FLG2: variants seen among roughly 807,000 people sequenced by gnomAD.
The protein encoded by FLG2 is filaggrin-2.
Under a neutral mutation model 3.9 loss-of-function variants are expected in FLG2, and 7 were observed. The observed-to-expected ratio is 1.79, with a 90% CI of 1.02 to 3.36. The LOEUF (loss-of-function observed/expected upper bound fraction) is 3.36. Ranked by LOEUF, FLG2 falls within the 30% of genes most tolerant of loss-of-function variation. FLG2 has a pLI of 0.00. For missense variants in FLG2, 2,700 were observed against 2,809.4 expected (o/e 0.96, Z 0.88); for synonymous variants, 1,031 against 1,056.1 (o/e 0.98, Z 0.46).
rs371123023 is a variant in FLG2, at chr1:152,354,919, C to G, written c.2867G>C (p.Gly956Ala). 1.2e-6 allele frequency: 2 copies of G among 1,613,548 alleles called. No individual in the cohort carries two copies. The highest frequency in any genetic ancestry group is 1.7e-6 in the Non-Finnish European group (2 of 1,179,970). ...ATGTTGGCCAAAGCCAGAGGATTGA[C>G]CTGAGCCTGACCTGTGTTGTCCAAA... ...FGFGQHRSGS[G>A]QSSGFGQHGS... is the part of the protein sequence containing the mutation. The change falls in exon 3 of 3, where the codon GGT (glycine) becomes GCT (alanine). Residue 956 changes from glycine to alanine, a missense_variant. Gly to Ala is a moderately conservative substitution (Grantham distance 60). Transcript: ENST00000388718.
Position 152,352,819 on chromosome 1 carries a change from G to A in FLG2, c.4967C>T (p.Ser1656Phe). The A allele has an allele frequency of 6.2e-7, 1 of 1,611,248 alleles. No individual in the cohort carries two copies. The highest frequency in any genetic ancestry group is 1.1e-5 in the South Asian group (1 of 90,906). Residue 1656 changes from serine to phenylalanine, a missense_variant, in exon 3 of 3, where the codon TCC becomes TTC. By Grantham distance (155) the Ser-to-Phe change is radical. Coordinates refer to ENST00000388718, the MANE Select transcript of FLG2 (RefSeq NM_001014342.3). ...TGRQRSSHSESSDSEVHSGVS... is the reference protein window; with the variant it reads ...TGRQRSSHSEFSDSEVHSGVS... ...CCCTGAGTGCACTTCACTGTCACTG[G>A]ACTCACTGTGGCTAGATCTCTGTCT...
Position 152,356,072 on chromosome 1 carries a change from A to G in FLG2, c.1714T>C (p.Leu572=), listed in dbSNP as rs1328478508. ...RETSGFGQHG[L]GSGQSTGFGQ... is the part of the protein sequence containing the mutation. ...AAGCCAGTGGATTGACCTGAGCCCA[A>G]CCCATGTTGTCCAAAGCCAGATGTC... Residue 572 remains leucine (L), a synonymous_variant, in exon 3 of 3, where the codon TTG becomes CTG. Transcript: ENST00000388718. 1 of 1,613,458 alleles carries G rather than the reference A, an allele frequency of 6.2e-7. No individual in the cohort carries two copies. Among genetic ancestry groups the G allele is most frequent in the South Asian group, 1.1e-5 (1 of 91,048 alleles).
In FLG2 at chr1:152,350,528, T is replaced by C; in HGVS notation, c.*82A>G. On this transcript the variant is annotated 3_prime_UTR_variant, in exon 3 of 3. Transcript: ENST00000388718. The stretch of plus-strand genomic sequence containing the variant: ...TCAACTGAATGTTCATAACTTACCA[T>C]TGACTGTTCATGATTTAAACTGTGT... The C allele has an allele frequency of 2.0e-6, 3 of 1,494,830 alleles. No homozygotes were observed. The highest frequency in any genetic ancestry group is 1.8e-4 in the Middle Eastern group (1 of 5,520). The allele number at this position is 1,494,830 out of a possible 1,614,324, so 92.6% of individuals were successfully genotyped here.
At chr1:152,358,085 G>A (rs1430429558) in intron 2 of FLG2, among the ~76,000 whole-genome samples, 1 of 150,808 alleles carries the variant, frequency 6.6e-6, no homozygotes, top group Non-Finnish European at 1.5e-5. Flanking sequence ...GCAGTGGTGC[G>A]ATCTCTGCTC....
chr1:152,356,603 G>C lies in FLG2; in HGVS notation c.1183C>G (p.Gln395Glu). The C allele has an allele frequency of 6.2e-7, 1 of 1,614,154 alleles. No individual in the cohort carries two copies. Among genetic ancestry groups the C allele is most frequent in the South Asian group, 1.1e-5 (1 of 91,086 alleles). ...CGGCCACAGGAACCATATTCATGTT[G>C]ACCATTACTACAAGACTGGCTACCT... ...SGGSQSCSNGQHEYGSCGRFS... is the reference protein window; with the variant it reads ...SGGSQSCSNGEHEYGSCGRFS... Residue 395 changes from glutamine to glutamate, a missense_variant, in exon 3 of 3, where the codon CAA becomes GAA. Gln to Glu is a conservative substitution (Grantham distance 29). Transcript: ENST00000388718.
chr1:152,352,209 T>C lies in FLG2; in HGVS notation c.5577A>G (p.Gln1859=), dbSNP rs761518570. The C allele has an allele frequency of 8.1e-6, 13 of 1,610,948 alleles. No homozygotes were observed. The highest frequency in any genetic ancestry group is 1.6e-4 in the Middle Eastern group (1 of 6,066). Residue 1859 remains glutamine, a synonymous_variant, in exon 3 of 3, where the codon CAA becomes CAG. Coordinates refer to ENST00000388718, the MANE Select transcript of FLG2 (RefSeq NM_001014342.3). ...GQTGDTSGHS[Q]SGHGQSTQSG... ...ACTGTGTGGACTGTCCATGACCAGA[T>C]TGAGAATGTCCACTGGTATCTCCTG...
Position 152,355,864 on chromosome 1 carries a change from C to T in FLG2, c.1922G>A (p.Gly641Asp). The T allele has an allele frequency of 6.2e-7, 1 of 1,611,954 alleles. No individual in the cohort carries two copies. The highest frequency in any genetic ancestry group is 8.5e-7 in the Non-Finnish European group (1 of 1,179,616). ...TGAGCCTGACCCATGTTGTCCAAAG[C>T]CAGATGTCTGTCTAGACCCATGTTG... The part of the protein sequence containing the change: ...YGQHGSRQTS[G>D]FGQHGSGSSQ... Residue 641 changes from glycine to aspartate, a missense_variant, in exon 3 of 3, where the codon GGC (glycine) becomes GAC (aspartate). Coordinates refer to ENST00000388718, the MANE Select transcript of FLG2 (RefSeq NM_001014342.3).
chr1:152,353,968 CTT>C lies in FLG2; in HGVS notation c.3816_3817del (p.Ser1273Ter). ...GTGCACTTCACTGTCACTGTTCTCACTTTGGCTAGATCTTCGTCTTCTAGTTA... is the reference window on the plus strand; with the variant it reads ...GTGCACTTCACTGTCACTGTTCTCACTGGCTAGATCTTCGTCTTCTAGTTA... On this transcript the variant is annotated frameshift_variant, in exon 3 of 3. Transcript: ENST00000388718. LOFTEE classifies it low-confidence loss of function (END_TRUNC). 1 of 1,614,206 alleles carries C rather than the reference CTT, an allele frequency of 6.2e-7. No homozygotes were observed. Among genetic ancestry groups the C allele is most frequent in the Non-Finnish European group, 8.5e-7 (1 of 1,180,040 alleles).
Position 152,351,460 on chromosome 1 carries a change from C to T in FLG2, c.6326G>A (p.Ser2109Asn). 2 of 1,613,234 alleles carry T rather than the reference C, an allele frequency of 1.2e-6. No homozygotes were observed. The highest frequency in any genetic ancestry group is 1.7e-6 in the Non-Finnish European group (2 of 1,179,798). The change falls in exon 3 of 3, where the codon AGT (serine) becomes AAT (asparagine). Residue 2109 changes from serine (S) to asparagine (N), a missense_variant. Transcript: ENST00000388718. ...GRRGSGHSES[S>N]DSEVHSGVSH... The stretch of plus-strand genomic sequence containing the variant: ...GACCCCTGAGTGCACTTCACTGTCA[C>T]TGGACTCACTGTGGCCAGATCCCCT...
Position 152,356,623 on chromosome 1 carries a change from C to G in FLG2, c.1163G>C (p.Ser388Thr), listed in dbSNP as rs1443103577. 3 of 1,614,192 alleles carry G rather than the reference C, an allele frequency of 1.9e-6. No homozygotes were observed. The highest frequency in any genetic ancestry group is 1.7e-5 in the Admixed American group (1 of 60,032). ...ATGTTGACCATTACTACAAGACTGG[C>G]TACCTCCAGACCCATATTGTCCACA... is the stretch of plus-strand genomic sequence containing the variant. ...SCCGQYGSGG[S>T]QSCSNGQHEY... Residue 388 changes from serine to threonine, a missense_variant, in exon 3 of 3, where the codon AGC (serine) becomes ACC (threonine). Ser to Thr is a moderately conservative substitution (Grantham distance 58). Transcript: ENST00000388718.
In FLG2 at chr1:152,353,324, G is replaced by T. The variant is rs1250878322; in HGVS notation, c.4462C>A (p.Gln1488Lys). 6.8e-6 allele frequency: 11 copies of T among 1,612,844 alleles called. No individual in the cohort carries two copies. The Admixed American group carries it at 1.8e-4, about 27-fold the overall frequency. Reference protein sequence around the residue: ...HAHYHHGKSTQRGSSTTGRRG... With the variant: ...HAHYHHGKSTKRGSSTTGRRG... Reference sequence around the variant, plus strand: ...CTTCCAGTTGTACTGGACCCTCTCTGTGTGGATTTTCCATGATGATAGTGG... The same window carrying T: ...CTTCCAGTTGTACTGGACCCTCTCTTTGTGGATTTTCCATGATGATAGTGG... Residue 1488 changes from glutamine to lysine, a missense_variant, in exon 3 of 3, where the codon CAG (glutamine) becomes AAG (lysine). Gln to Lys is a moderately conservative substitution (Grantham distance 53). Transcript: ENST00000388718.
Position 152,350,978 on chromosome 1 carries a change from T to A in FLG2, c.6808A>T (p.Thr2270Ser). 1 of 1,614,056 alleles carries A rather than the reference T, an allele frequency of 6.2e-7. No individual in the cohort carries two copies. The highest frequency in any genetic ancestry group is 8.5e-7 in the Non-Finnish European group (1 of 1,179,970). ...DSEVHSWGSH[T>S]HSGHIQGQAG... ...TGGCCCTGAATGTGTCCTGAATGTG[T>A]GTGTGAGCCCCATGAGTGCACTTCA... The change falls in exon 3 of 3, where the codon ACA (threonine) becomes TCA (serine). Residue 2270 changes from threonine (T) to serine (S), a missense_variant. Physicochemically the swap from Thr to Ser is moderately conservative, Grantham distance 58 (BLOSUM62 1). Transcript: ENST00000388718.
At position 152,352,681 on chromosome 1, in the gene FLG2, G is replaced by A. The variant is rs760412490; in HGVS notation, c.5105C>T (p.Thr1702Ile). ...HGTTHGQTGD[T>I]TRHAHYHHGL... ...ATGATGATAGTGGGCATGTCTAGTG[G>A]TATCTCCTGTCTGTCCATGAGTAGT... The change falls in exon 3 of 3, where the codon ACC (threonine) becomes ATC (isoleucine). Residue 1702 changes from threonine to isoleucine, a missense_variant. Physicochemically the swap from Thr to Ile is moderately conservative, Grantham distance 89. Coordinates refer to ENST00000388718, the MANE Select transcript of FLG2 (RefSeq NM_001014342.3). 1.2e-6 allele frequency: 2 copies of A among 1,613,696 alleles called. No homozygotes were observed. Among genetic ancestry groups the A allele is most frequent in the Non-Finnish European group, 1.7e-6 (2 of 1,179,900 alleles).
chr1:152,350,931 C>T lies in FLG2; in HGVS notation c.6855G>A (p.Gln2285=). 1 of 1,613,392 alleles carries T rather than the reference C, an allele frequency of 6.2e-7. No individual in the cohort carries two copies. The highest frequency in any genetic ancestry group is 8.5e-7 in the Non-Finnish European group (1 of 1,179,630). Residue 2285 remains glutamine, a synonymous_variant, in exon 3 of 3, where the codon CAG becomes CAA. Coordinates refer to ENST00000388718, the MANE Select transcript of FLG2 (RefSeq NM_001014342.3). ...IQGQAGSQQR[Q]PGSTVHGRLE... is the part of the protein sequence containing the mutation. ...GTCTCCCATGAACTGTGGATCCTGG[C>T]TGTCTTTGTTGAGATCCAGCTTGGC... is the stretch of plus-strand genomic sequence containing the variant.
Position 152,350,759 on chromosome 1 carries a change from C to A in FLG2, c.7027G>T (p.Val2343Phe). ...SERQRHGSSQVWKHGSYGPAE... is the reference protein window; with the variant it reads ...SERQRHGSSQFWKHGSYGPAE... ...GGTCCATAGCTGCCATGTTTCCAAA[C>A]CTGACTTGATCCATGCCTTTGCCTT... The change falls in exon 3 of 3, where the codon GTT becomes TTT. Residue 2343 changes from valine to phenylalanine, a missense_variant. Val to Phe is a conservative substitution (Grantham distance 50, BLOSUM62 -1). Coordinates refer to ENST00000388718, the MANE Select transcript of FLG2 (RefSeq NM_001014342.3). 1.9e-6 allele frequency: 3 copies of A among 1,614,200 alleles called. No individual in the cohort carries two copies. Among genetic ancestry groups the A allele is most frequent in the Non-Finnish European group, 2.5e-6 (3 of 1,180,018 alleles).
At chr1:152,357,753 GT>G in intron 2 of FLG2, 106 bp from the exon 3 acceptor site, 3 of 791,112 alleles carry the variant, frequency 3.8e-6, no homozygotes, top group Non-Finnish European at 6.1e-6. Flanking sequence ...ACATGATGTA[GT>G]TTTAGTCCAA....
At position 152,350,527 on chromosome 1, in the gene FLG2, A is replaced by G; in HGVS notation, c.*83T>C. ...ATCAACTGAATGTTCATAACTTACC[A>G]TTGACTGTTCATGATTTAAACTGTG... On this transcript the variant is annotated 3_prime_UTR_variant, in exon 3 of 3. Coordinates refer to ENST00000388718, the MANE Select transcript of FLG2 (RefSeq NM_001014342.3). 1 of 1,495,018 alleles carries G rather than the reference A, an allele frequency of 6.7e-7. No individual in the cohort carries two copies. The highest frequency in any genetic ancestry group is 9.0e-7 in the Non-Finnish European group (1 of 1,112,284). 92.6% of individuals were successfully genotyped at this position (1,495,018 alleles called of 1,614,324 possible).
In FLG2 at chr1:152,350,599, G is replaced by C; in HGVS notation, c.*11C>G. 6.2e-7 allele frequency: 1 copy of C among 1,606,214 alleles called. No homozygotes were observed. The highest frequency in any genetic ancestry group is 1.1e-5 in the South Asian group (1 of 89,204). ...TTTGGATACTATAAGGTCAGAACTAGAAAATAACTGTCAATGTCTAGACAG... is the reference window on the plus strand; with the variant it reads ...TTTGGATACTATAAGGTCAGAACTACAAAATAACTGTCAATGTCTAGACAG... On this transcript the variant is annotated 3_prime_UTR_variant, in exon 3 of 3. Coordinates refer to ENST00000388718, the MANE Select transcript of FLG2 (RefSeq NM_001014342.3).
Position 152,354,624 on chromosome 1 carries a change from A to G in FLG2, c.3162T>C (p.His1054=). Residue 1054 remains histidine (H), a synonymous_variant, in exon 3 of 3, where the codon CAT becomes CAC. Coordinates refer to ENST00000388718, the MANE Select transcript of FLG2 (RefSeq NM_001014342.3). ...CAGAGGATTGTCCTGAACCAGTCCCATGTTGTCCAAAGCCAGAGGACTGAT... is the reference window on the plus strand; with the variant it reads ...CAGAGGATTGTCCTGAACCAGTCCCGTGTTGTCCAAAGCCAGAGGACTGAT... ...GSDQSSGFGQ[H]GTGSGQSSGF... 5.0e-6 allele frequency: 8 copies of G among 1,613,986 alleles called. No homozygotes were observed. Among genetic ancestry groups the G allele is most frequent in the African/African-American group, 1.3e-5 (1 of 74,940 alleles).
Sources: allele counts gnomAD v4.1 joint callset (sites outside exome capture counted in the v4.1 genomes callset), GRCh38; gene constraint gnomAD v4.1.1; transcripts MANE v1.5; gene names NCBI Gene and HGNC (gene_info 2026-07-23, HGNC 2026-07-21).